Variants in CYP27C1 observed in about 807,000 individuals in gnomAD.
CYP27C1 encodes cytochrome P450 family 27 subfamily C member 1.
CYP27C1 carries 29 observed loss-of-function variants against 40.6 expected under a neutral mutation model. The ratio of observed to expected loss-of-function variants is 0.71; its 90% CI spans 0.53 to 0.97. CYP27C1 has a LOEUF of 0.97. CYP27C1 is among the 50% of genes least tolerant of loss of function. The pLI, the probability that CYP27C1 is intolerant of heterozygous loss-of-function variation, is 0.00. For missense variants in CYP27C1, 390 were observed against 485.8 expected (o/e 0.80, Z 1.85); for synonymous variants, 198 against 186.8 (o/e 1.06, Z -0.49).
intron 8 of CYP27C1, among the ~76,000 whole-genome samples, chr2:127,187,678 C>T (rs1046470246): frequency 6.6e-6 from 1 of 152,152 alleles, no homozygotes; most frequent in Non-Finnish European, 1.5e-5. Context: ...GTTTCACTTG[C>T]CATTTCAAAT....
intron 1 of CYP27C1, among the ~76,000 whole-genome samples, chr2:127,214,827 A>G (rs1181099995): frequency 1.3e-5 from 2 of 148,686 alleles, no homozygotes. Flanking sequence ...AGGAAATTAA[A>G]AAAAAAAAGA....
At position 127,195,639 on chromosome 2, in the gene CYP27C1, T is replaced by G; in HGVS notation, c.1048-138A>C. ...TCATCCAATTCCATATAGCACCTAATGTCTTACTAAAAACGAAAGACTGTT... is the reference window on the plus strand; with the variant it reads ...TCATCCAATTCCATATAGCACCTAAGGTCTTACTAAAAACGAAAGACTGTT... On this transcript the variant is annotated intron_variant, in intron 5 of 8. Transcript: ENST00000664447. This position sits in a 1 kb window ranked among gnomAD's most constrained non-coding sequence, Gnocchi z 6.2. 3 of 725,928 alleles carry G rather than the reference T, an allele frequency of 4.1e-6. No homozygotes were observed. Among genetic ancestry groups the G allele is most frequent in the South Asian group, 2.3e-5 (1 of 43,298 alleles). 45.0% of individuals were successfully genotyped at this position (725,928 alleles called of 1,614,324 possible).
intron 1 of CYP27C1, among the ~76,000 whole-genome samples, chr2:127,214,823 T>A (rs1366015783): frequency 1.8e-4 from 22 of 119,326 alleles, no homozygotes; most frequent in South Asian, 5.1e-4. Flanking sequence ...TTAGAGGAAA[T>A]TAAAAAAAAA....
rs1396246102 is a variant in CYP27C1, at chr2:127,193,849, T to C, written c.1233A>G (p.Pro411=). The C allele has an allele frequency of 1.2e-6, 2 of 1,614,154 alleles. No homozygotes were observed. The highest frequency in any genetic ancestry group is 8.5e-7 in the Non-Finnish European group (1 of 1,180,026). The stretch of plus-strand genomic sequence containing the variant: ...CTTCCTGGGTGACCCGGCCGTTCCC[T>C]GGCAGCACTGGAAACAGCCTGGAAA... ...KETLRLFPVL[P]GNGRVTQEDL... The change falls in exon 7 of 9, where the codon CCA becomes CCG. Residue 411 remains proline, a synonymous_variant. Transcript: ENST00000664447.
chr2:127,204,614 A>AAAGAAAGCAAGCAAGCAAGCAAGCAAGC (rs1683181525), intron 2 of CYP27C1, among the ~76,000 whole-genome samples: 1 of 104,182 alleles, frequency 9.6e-6, no homozygotes, highest in African/African-American at 4.0e-5. Context: ...AGAAAGAAAG[A>AAAGAAAGCAAGCAAGCAAGCAAGCAAGC]AAGAAAGAAA....
intron 2 of CYP27C1, among the ~76,000 whole-genome samples, chr2:127,204,572 A>G (rs1032929982): frequency 2.5e-5 from 2 of 78,494 alleles, no homozygotes; most frequent in African/African-American, 5.6e-5. Context: ...AAAGAAAGAA[A>G]GAAAGAAAGA....
Position 127,219,001 on chromosome 2 carries a change from AC to A in CYP27C1, c.282+987del, listed in dbSNP as rs1683495702. On this transcript the variant is annotated intron_variant, in intron 1 of 8. Coordinates refer to ENST00000664447, the MANE Select transcript of CYP27C1 (RefSeq NM_001367502.1). This position sits in a 1 kb window ranked among gnomAD's most constrained non-coding sequence, Gnocchi z 8.7. ...CCCAACGCCCTAGCGGGTGGCTGGG[AC>A]CCCTGGGTTCCTCCCACGTCCCTGC... Among the ~76,000 whole-genome samples the A allele has an allele frequency of 6.6e-6, 1 of 151,896 alleles. No homozygotes were observed. Among genetic ancestry groups the A allele is most frequent in the Non-Finnish European group, 1.5e-5 (1 of 67,952 alleles).
rs1468134125 is a variant in CYP27C1 at position 127,203,443 on chromosome 2, A to C, written c.602T>G (p.Leu201Arg). The stretch of plus-strand genomic sequence containing the variant: ...TTCTCCATCTTCTGCCTGGCTCCTG[A>C]GGAGGTAGATTCTTTTAATTAAGTC... ...IADLIKRIYL[L>R]RSQAEDGETV... Residue 201 changes from leucine (L) to arginine (R), a missense_variant, in exon 3 of 9, where the codon CTC becomes CGC. Physicochemically the swap from Leu to Arg is moderately radical, Grantham distance 102. Transcript: ENST00000664447. The C allele has an allele frequency of 1.2e-6, 2 of 1,613,856 alleles. No homozygotes were observed. The highest frequency in any genetic ancestry group is 2.7e-5 in the African/African-American group (2 of 74,876).
rs964293089 is a variant in CYP27C1, at chr2:127,186,188, G to A, written c.*1083C>T. ...AGTTCTTATACGTCTGCTCTACTCT[G>A]TATTTAGATTTGGTTAGAAAATCTG... is the stretch of plus-strand genomic sequence containing the variant. On this transcript the variant is annotated 3_prime_UTR_variant, in exon 9 of 9. Transcript: ENST00000664447. This position sits in a 1 kb window ranked among gnomAD's most constrained non-coding sequence, Gnocchi z 4.5. 6.6e-6 allele frequency: 1 copy of A among 151,866 alleles called. No homozygotes were observed. The highest frequency in any genetic ancestry group is 2.4e-5 in the African/African-American group (1 of 41,358). The allele number at this position is 151,866 out of a possible 1,614,324, so 9.4% of individuals were successfully genotyped here.
chr2:127,214,109 A>G (rs192441695), intron 1 of CYP27C1, among the ~76,000 whole-genome samples: 1 of 152,374 alleles, frequency 6.6e-6, no homozygotes, highest in East Asian at 1.9e-4. Flanking sequence ...AATGCAAATC[A>G]AAACCACAAT....
At chr2:127,203,347 T>A (rs1558930250) in intron 3 of CYP27C1, 25 bp downstream of exon 3, 6 of 1,607,140 alleles carry the variant, frequency 3.7e-6, no homozygotes, top group Non-Finnish European at 5.1e-6. Context: ...TCTTCCCTCC[T>A]TCCCACCTGC....
intron 2 of CYP27C1, among the ~76,000 whole-genome samples, chr2:127,204,440 AAAAGAAAGAAAGAAAGAAAGAAAG>A (rs59482629): frequency 0.024 from 982 of 41,310 alleles, 55 homozygotes; most frequent in African/African-American, 0.07. Context: ...GAAAGAAAGA[AAAAGAAAGAAAGAAAGAAAGAAAG>A]AAAGAAAGAA....
rs1290447175 is a variant in CYP27C1 at position 127,219,047 on chromosome 2, T to G, written c.282+942A>C. Among the ~76,000 whole-genome samples the G allele has an allele frequency of 1.3e-5, 2 of 151,914 alleles. No homozygotes were observed. Among genetic ancestry groups the G allele is most frequent in the Non-Finnish European group, 2.9e-5 (2 of 67,960 alleles). ...CCCTGCCTCCAGTCCCGGCGCGAAC[T>G]CCAGGTGTCGCCCCCAACTCCGGCT... On this transcript the variant is annotated intron_variant, in intron 1 of 8. Coordinates refer to ENST00000664447, the MANE Select transcript of CYP27C1 (RefSeq NM_001367502.1). The surrounding 1 kb of genome is among the most constrained non-coding windows in gnomAD (Gnocchi z 8.7).
At chr2:127,205,562 G>A in intron 2 of CYP27C1, 1 of 474,370 alleles carries the variant, frequency 2.1e-6, no homozygotes, top group Non-Finnish European at 2.8e-6. Flanking sequence ...TCCTTTCCCT[G>A]TGCACAGACA....
In CYP27C1 at chr2:127,201,771, C is replaced by T. The variant is rs988380154; in HGVS notation, c.674-440G>A. ...GTCGGCAAACCTCACATGGCCTCTC[C>T]CTGCCCCACCTGGCCACTGGGGATC... On this transcript the variant is annotated intron_variant, in intron 3 of 8. Transcript: ENST00000664447. The surrounding 1 kb of genome is among the most constrained non-coding windows in gnomAD (Gnocchi z 6.0). Among the ~76,000 whole-genome samples the T allele has an allele frequency of 2.6e-5, 4 of 152,164 alleles. No homozygotes were observed. Among genetic ancestry groups the T allele is most frequent in the Admixed American group, 2.6e-4 (4 of 15,278 alleles).
rs1003126337 is a variant in CYP27C1 at position 127,219,267 on chromosome 2, A to G, written c.282+722T>C. Among the ~76,000 whole-genome samples, 1 of 151,400 alleles carries G rather than the reference A, an allele frequency of 6.6e-6. No homozygotes were observed. Among genetic ancestry groups the G allele is most frequent in the African/African-American group, 2.4e-5 (1 of 41,146 alleles). ...CAGGCAGCAGCCCCCCTCAGCCCCA[A>G]CTCCGCGGGTCCCGCCAGCTCTCCA... On this transcript the variant is annotated intron_variant, in intron 1 of 8. Transcript: ENST00000664447. This position sits in a 1 kb window ranked among gnomAD's most constrained non-coding sequence, Gnocchi z 8.7.
chr2:127,196,177 C>T lies in CYP27C1; in HGVS notation c.1048-676G>A, dbSNP rs571010897. Among the ~76,000 whole-genome samples the T allele has an allele frequency of 4.7e-4, 72 of 152,208 alleles. No homozygotes were observed. The highest frequency in any genetic ancestry group is 1.7e-3 in the African/African-American group (70 of 41,544). ...TCCCGGGTTCATGCCATTCTCCTGC[C>T]TCAGCCTCCCGAGTAGCTGGGACTA... is the stretch of plus-strand genomic sequence containing the variant. On this transcript the variant is annotated intron_variant, in intron 5 of 8. Coordinates refer to ENST00000664447, the MANE Select transcript of CYP27C1 (RefSeq NM_001367502.1). This position sits in a 1 kb window ranked among gnomAD's most constrained non-coding sequence, Gnocchi z 4.5.
chr2:127,188,042 T>C (rs1207688743), intron 8 of CYP27C1, among the ~76,000 whole-genome samples: 2 of 152,170 alleles, frequency 1.3e-5, no homozygotes, highest in East Asian at 3.9e-4. Flanking sequence ...GGTTTGGAGT[T>C]CAAAGTCAGC....
Position 127,219,483 on chromosome 2 carries a change from C to T in CYP27C1, c.282+506G>A, listed in dbSNP as rs573003411. Among the ~76,000 whole-genome samples, 24 of 152,142 alleles carry T rather than the reference C, an allele frequency of 1.6e-4. No individual in the cohort carries two copies. The South Asian group carries it at 4.8e-3, about 30-fold the overall frequency. ...CCGGGACCAGTCCCTGGAGACCCTG[C>T]CCGCCGCCTCTCTCGGGCTACCACT... On this transcript the variant is annotated intron_variant, in intron 1 of 8. Transcript: ENST00000664447. The surrounding 1 kb of genome is among the most constrained non-coding windows in gnomAD (Gnocchi z 8.7).
Sources: gnomAD v4.1 joint callset for allele counts (sites outside exome capture counted in the v4.1 genomes callset) on GRCh38, gnomAD v4.1.1 for gene constraint, Gnocchi (gnomAD v3.1) non-coding constraint, MANE v1.5 for transcripts, NCBI Gene and HGNC (gene_info 2026-07-23, HGNC 2026-07-21) for gene names.